Variants in PRH1 observed in about 807,000 individuals in gnomAD.
PRH1 encodes salivary acidic proline-rich phosphoprotein 1/2.
A neutral mutation model predicts 7.9 loss-of-function variants in PRH1; 7 were observed. The ratio of observed to expected loss-of-function variants is 0.89; its 90% CI spans 0.50 to 1.67. The LOEUF (loss-of-function observed/expected upper bound fraction) is 1.67, where lower values mean the gene tolerates loss of function less well. Ranked by LOEUF, PRH1 falls within the 40% of genes most tolerant of loss-of-function variation. The pLI, the probability that PRH1 is intolerant of heterozygous loss-of-function variation, is 0.00. For missense variants in PRH1, 109 were observed against 223.6 expected (o/e 0.49, Z 3.27); for synonymous variants, 45 against 80.8 (o/e 0.56, Z 2.38).
chr12:10,991,174 A>G (rs994233788), intron 1 of PRH1, among the ~76,000 whole-genome samples: 1 of 152,188 alleles, frequency 6.6e-6, no homozygotes, highest in Non-Finnish European at 1.5e-5. Flanking sequence ...GGGAGTAAAA[A>G]CAGAATGATA....
intron 2 of PRH1, among the ~76,000 whole-genome samples, chr12:10,890,959 A>G (rs1949565264): frequency 6.6e-6 from 1 of 151,680 alleles, no homozygotes; most frequent in Non-Finnish European, 1.5e-5. Context: ...CCCAACCCCC[A>G]GAACCAAGTA....
intron 1 of PRH1, among the ~76,000 whole-genome samples, chr12:10,978,881 C>A (rs1447404070): frequency 2.0e-5 from 3 of 150,064 alleles, no homozygotes; most frequent in Non-Finnish European, 4.4e-5. Context: ...CCTCTCACAC[C>A]CCTCAGAATG....
intron 2 of PRH1, chr12:10,895,266 A>G (rs1430752641): frequency 6.6e-6 from 1 of 152,328 alleles, no homozygotes; most frequent in Admixed American, 6.5e-5. Context: ...GTGTGGCTCC[A>G]TAAGGAGAGG....
At chr12:11,040,913 A>T (rs1393704977) in intron 1 of PRH1, among the ~76,000 whole-genome samples, 1 of 152,174 alleles carries the variant, frequency 6.6e-6, no homozygotes, top group Non-Finnish European at 1.5e-5. Flanking sequence ...TAGCATTTGC[A>T]AGCCTCATGG....
At chr12:10,940,034 C>T (rs1301918341) in intron 2 of PRH1, among the ~76,000 whole-genome samples, 1 of 151,912 alleles carries the variant, frequency 6.6e-6, no homozygotes. Flanking sequence ...AAAGAAAAAT[C>T]AGATGGTTTT....
At chr12:11,089,279 C>A (rs1944803522) in intron 1 of PRH1, among the ~76,000 whole-genome samples, 1 of 116,100 alleles carries the variant, frequency 8.6e-6, no homozygotes, top group Non-Finnish European at 2.0e-5. Context: ...GAAGACAGAA[C>A]AACAGAGATG....
chr12:11,056,541 A>G (rs1247786817), intron 1 of PRH1, among the ~76,000 whole-genome samples: 1 of 152,186 alleles, frequency 6.6e-6, no homozygotes, highest in Admixed American at 6.5e-5. Flanking sequence ...TATAAAAAGC[A>G]GATGATTGGC....
At chr12:11,121,683 T>G (rs948732683) in intron 1 of PRH1, among the ~76,000 whole-genome samples, 5 of 123,954 alleles carry the variant, frequency 4.0e-5, no homozygotes, top group African/African-American at 1.1e-4. Flanking sequence ...TTAGTACTGT[T>G]TTTGGTATAC....
At chr12:11,154,348 A>C (rs1053117641) in intron 1 of PRH1, among the ~76,000 whole-genome samples, 3 of 152,226 alleles carry the variant, frequency 2.0e-5, no homozygotes, top group African/African-American at 7.2e-5. Context: ...AATAAGAGAA[A>C]ACACAAGTTT....
At chr12:10,895,302 T>A (rs1032207372) in intron 2 of PRH1, 2 of 152,196 alleles carry the variant, frequency 1.3e-5, no homozygotes, top group Non-Finnish European at 2.9e-5. Context: ...GAAGCCAGTG[T>A]TTCCACAAAA....
intron 1 of PRH1, among the ~76,000 whole-genome samples, chr12:11,158,007 A>G (rs937525408): frequency 4.6e-5 from 7 of 152,194 alleles, no homozygotes; most frequent in African/African-American, 1.4e-4. Context: ...ACCTGGAAGA[A>G]TATTTTCACC....
At chr12:10,932,326 G>C (rs1950225770) in intron 2 of PRH1, 1 of 348,392 alleles carries the variant, frequency 2.9e-6, no homozygotes, top group African/African-American at 2.1e-5. Context: ...TGCAATTTCT[G>C]ATTATAGCAT....
chr12:11,098,408 A>G (rs575586411), intron 1 of PRH1, among the ~76,000 whole-genome samples: 12 of 152,152 alleles, frequency 7.9e-5, no homozygotes, highest in Non-Finnish European at 1.6e-4. Context: ...TCATTCATTC[A>G]CTGTTTGTTC....
chr12:11,022,554 G>A (rs1481518950), intron 1 of PRH1: 1 of 1,610,634 alleles, frequency 6.2e-7, no homozygotes, highest in South Asian at 1.1e-5. Flanking sequence ...ATGAAATGAT[G>A]AGCAGAAAAC....
intron 1 of PRH1, among the ~76,000 whole-genome samples, chr12:11,124,566 T>C (rs1946040079): frequency 2.0e-5 from 3 of 152,300 alleles, no homozygotes; most frequent in African/African-American, 7.2e-5. Context: ...TTTCTAAATC[T>C]AAATGTATTC....
chr12:11,148,313 T>G (rs1946937717), intron 1 of PRH1, among the ~76,000 whole-genome samples: 1 of 152,032 alleles, frequency 6.6e-6, no homozygotes, highest in East Asian at 1.9e-4. Context: ...GGTCACAACT[T>G]CCAACACTAT....
intron 1 of PRH1, chr12:10,997,917 A>G (rs1273322463): frequency 7.9e-7 from 1 of 1,265,930 alleles, no homozygotes; most frequent in Non-Finnish European, 1.1e-6. Context: ...GCCTAATGTC[A>G]CTGATGGTGA....
chr12:10,930,579 G>A lies in PRH1; in HGVS notation c.-59+43076C>T, dbSNP rs181661214. ...GAGGCAGGTCAGGGAGAGAGGGGCCGGCCGTGTGGTGAAGACAGAGAGATA... is the reference window on the plus strand; with the variant it reads ...GAGGCAGGTCAGGGAGAGAGGGGCCAGCCGTGTGGTGAAGACAGAGAGATA... On this transcript the variant is annotated intron_variant, in intron 2 of 3. Transcript: ENST00000539853. The A allele has an allele frequency of 2.9e-4, 463 of 1,577,824 alleles. 1 individual carries two copies. The African/African-American group carries it at 4.5e-3, about 15-fold the overall frequency.
rs891604006 is a variant in PRH1 at position 11,064,151 on chromosome 12, C to T, written n.124-16963G>A. ...ATTTCTTCATACCTCCTGAGATAAG[C>T]AATATCCAAAATTTATGGTGATTAT... On this transcript the variant is annotated intron_variant and non_coding_transcript_variant, in intron 1 of 4. Coordinates refer to the PRH1 transcript ENST00000541977. Among the ~76,000 whole-genome samples, 5 of 152,042 alleles carry T rather than the reference C, an allele frequency of 3.3e-5. No homozygotes were observed. The East Asian group carries it at 5.8e-4, about 18-fold the overall frequency.
Sources: allele counts gnomAD v4.1 joint callset (sites outside exome capture counted in the v4.1 genomes callset), GRCh38; gene constraint gnomAD v4.1.1; transcripts MANE v1.5; gene names NCBI Gene and HGNC (gene_info 2026-07-23, HGNC 2026-07-21).